The following ROBO1 variants were observed in gnomAD, a reference collection of about 807,000 sequenced individuals.
ROBO1 encodes roundabout guidance receptor 1.
A neutral mutation model predicts 195.9 loss-of-function variants in ROBO1; 149 were observed. The ratio of observed to expected loss-of-function variants is 0.76; its 90% CI spans 0.67 to 0.87. ROBO1 has a LOEUF of 0.87. Among genes scored for constraint, ROBO1 ranks in the 40% least tolerant of loss-of-function variants. ROBO1 has a pLI of 0.00. For missense variants in ROBO1, 1,933 were observed against 2,068.3 expected (o/e 0.93, Z 1.27); for synonymous variants, 816 against 733.2 (o/e 1.11, Z -1.82).
intron 2 of ROBO1, among the ~76,000 whole-genome samples, chr3:79,553,222 A>G (rs1182387061): frequency 6.6e-6 from 1 of 151,966 alleles, no homozygotes. Flanking sequence ...TAATTTGAAC[A>G]AACTCTAATT....
intron 2 of ROBO1, among the ~76,000 whole-genome samples, chr3:79,160,120 C>T (rs1468248855): frequency 2.0e-5 from 3 of 151,910 alleles, no homozygotes; most frequent in Non-Finnish European, 2.9e-5. Flanking sequence ...TTTTTACTTA[C>T]AGAATCCAAT....
At chr3:78,703,042 T>C (rs1000449561) in intron 8 of ROBO1, among the ~76,000 whole-genome samples, 1 of 152,214 alleles carries the variant, frequency 6.6e-6, no homozygotes, top group African/African-American at 2.4e-5. Context: ...TATATCTGTT[T>C]TTTTGAAATA....
In ROBO1 at chr3:79,557,730, T is replaced by TAAA. The variant is rs368317896; in HGVS notation, c.88+32091_88+32093dup. Among the ~76,000 whole-genome samples, 325 of 110,114 alleles carry TAAA rather than the reference T, an allele frequency of 3.0e-3. 6 individuals are homozygous for TAAA. The highest frequency in any genetic ancestry group is 6.4e-3 in the South Asian group (23 of 3,604). 72.2% of individuals were successfully genotyped at this position (110,114 alleles called of 152,430 possible). A position where few individuals can be genotyped will look rare whatever the true frequency, so the allele number is the denominator to read the frequency against. ...CCTGGGCAACAGAGCGAGACTGTCT[T>TAAA]AAAACAAAAAAAAATATATATATAT... On this transcript the variant is annotated intron_variant, in intron 2 of 30. Transcript: ENST00000464233.
chr3:79,269,375 A>G (rs1368814169), intron 2 of ROBO1, among the ~76,000 whole-genome samples: 1 of 151,702 alleles, frequency 6.6e-6, no homozygotes, highest in African/African-American at 2.4e-5. Context: ...TGTTTTCCTT[A>G]CGCCATATAA....
chr3:79,016,477 TA>T (rs1392251939), intron 3 of ROBO1, among the ~76,000 whole-genome samples: 1 of 152,216 alleles, frequency 6.6e-6, no homozygotes, highest in African/African-American at 2.4e-5. Context: ...GAAATCAGTG[TA>T]GCTCTAACAT....
chr3:79,504,202 A>G (rs1366919413), intron 2 of ROBO1, among the ~76,000 whole-genome samples: 1 of 152,154 alleles, frequency 6.6e-6, no homozygotes, highest in Non-Finnish European at 1.5e-5. Context: ...AAGATTCTAC[A>G]TATATCTAAT....
intron 1 of ROBO1, among the ~76,000 whole-genome samples, chr3:79,617,202 A>G (rs1389753947): frequency 6.6e-6 from 1 of 152,126 alleles, no homozygotes; most frequent in Non-Finnish European, 1.5e-5. Flanking sequence ...TCCCAGTCAT[A>G]GTATGTGCTT....
chr3:79,069,712 C>A (rs1216855435), intron 3 of ROBO1, among the ~76,000 whole-genome samples: 3 of 151,886 alleles, frequency 2.0e-5, no homozygotes, highest in South Asian at 4.1e-4. Context: ...CCTAGCTCTG[C>A]AACTTAGTAG....
At chr3:79,280,693 C>T (rs1472962351) in intron 2 of ROBO1, among the ~76,000 whole-genome samples, 2 of 152,108 alleles carry the variant, frequency 1.3e-5, no homozygotes, top group Non-Finnish European at 2.9e-5. Context: ...CCACTGACAT[C>T]GGGCAGGAGA....
At chr3:79,415,272 T>C (rs1401468783) in intron 2 of ROBO1, among the ~76,000 whole-genome samples, 1 of 152,180 alleles carries the variant, frequency 6.6e-6, no homozygotes, top group African/African-American at 2.4e-5. Context: ...AGAGCTGATA[T>C]TCTAGTGAGT....
chr3:79,092,910 G>A (rs1025442966), intron 3 of ROBO1, among the ~76,000 whole-genome samples: 1 of 152,000 alleles, frequency 6.6e-6, no homozygotes, highest in Non-Finnish European at 1.5e-5. Context: ...TCATTCTTTA[G>A]CTGTAAAACA....
At chr3:78,855,247 G>A (rs1456713169) in intron 4 of ROBO1, among the ~76,000 whole-genome samples, 2 of 152,104 alleles carry the variant, frequency 1.3e-5, no homozygotes, top group Non-Finnish European at 1.5e-5. Flanking sequence ...TTTGTAGTTC[G>A]ACTATTCAAA....
chr3:79,575,521 AATAT>A (rs1269019642), intron 2 of ROBO1, among the ~76,000 whole-genome samples: 2 of 137,648 alleles, frequency 1.5e-5, no homozygotes, highest in Non-Finnish European at 3.1e-5. Context: ...AATATATATA[AATAT>A]ATATAACAAA....
chr3:79,751,947 T>C (rs1286372655), intron 1 of ROBO1, among the ~76,000 whole-genome samples: 1 of 152,156 alleles, frequency 6.6e-6, no homozygotes, highest in African/African-American at 2.4e-5. Flanking sequence ...CAGTCATCCA[T>C]TCAACAAAGT....
intron 4 of ROBO1, among the ~76,000 whole-genome samples, chr3:78,925,321 G>C (rs973751751): frequency 6.6e-6 from 1 of 152,126 alleles, no homozygotes; most frequent in Admixed American, 6.5e-5. Context: ...CTGAGCTAAT[G>C]ATCAGAATAT....
chr3:78,954,737 T>A (rs1328198711), intron 3 of ROBO1, among the ~76,000 whole-genome samples: 1 of 152,060 alleles, frequency 6.6e-6, no homozygotes, highest in African/African-American at 2.4e-5. Flanking sequence ...CATTTCTTTA[T>A]AATATAGAAA....
chr3:78,859,780 C>T (rs2034674098), intron 4 of ROBO1, among the ~76,000 whole-genome samples: 1 of 152,036 alleles, frequency 6.6e-6, no homozygotes, highest in South Asian at 2.1e-4. Context: ...AGCTTAAGTG[C>T]ATTTCAAAGA....
At chr3:79,697,539 C>A (rs1461013545) in intron 1 of ROBO1, among the ~76,000 whole-genome samples, 1 of 150,904 alleles carries the variant, frequency 6.6e-6, no homozygotes, top group Non-Finnish European at 1.5e-5. Context: ...TGGCCTAAAA[C>A]TGAAATATTT....
chr3:79,225,021 A>G (rs1005441963), intron 2 of ROBO1, among the ~76,000 whole-genome samples: 1 of 152,198 alleles, frequency 6.6e-6, no homozygotes, highest in Admixed American at 6.5e-5. Flanking sequence ...TCATTTGAGT[A>G]AAGATCTAAA....
Sources: gnomAD v4.1 joint callset for allele counts (sites outside exome capture counted in the v4.1 genomes callset) on GRCh38, gnomAD v4.1.1 for gene constraint, MANE v1.5 for transcripts, NCBI Gene and HGNC (gene_info 2026-07-23, HGNC 2026-07-21) for gene names.